The following CEP128 variants were observed in gnomAD, a reference collection of about 807,000 sequenced individuals.
The protein encoded by CEP128 is centrosomal protein 128kDa.
CEP128 carries 132 observed loss-of-function variants against 156.7 expected under a neutral mutation model. The ratio of observed to expected loss-of-function variants is 0.84; its 90% CI spans 0.73 to 0.97. CEP128 has a LOEUF of 0.97. Ranked by LOEUF, CEP128 falls within the 50% of genes least tolerant of loss-of-function variation. CEP128 has a pLI of 0.00. For missense variants in CEP128, 1,252 were observed against 1,281.9 expected, an observed-to-expected ratio of 0.98 and a Z score of 0.36; for synonymous variants, 469 against 448.9, an observed-to-expected ratio of 1.04 and a Z score of -0.57.
At chr14:80,524,961 C>T (rs969092877) in intron 23 of CEP128, among the ~76,000 whole-genome samples, 13 of 152,206 alleles carry the variant, frequency 8.5e-5, no homozygotes, top group Admixed American at 2.6e-4. Context: ...AACAGAACTC[C>T]GATGAGATTA....
At chr14:80,790,601 C>T (rs529136829) in intron 14 of CEP128, among the ~76,000 whole-genome samples, 5 of 151,486 alleles carry the variant, frequency 3.3e-5, no homozygotes, top group East Asian at 1.9e-4. Context: ...TGCAGTGATA[C>T]GCGATTTGAT....
At chr14:80,603,534 C>T (rs1892661181) in intron 19 of CEP128, among the ~76,000 whole-genome samples, 1 of 152,140 alleles carries the variant, frequency 6.6e-6, no homozygotes, top group African/African-American at 2.4e-5. Context: ...GGGAAGACCA[C>T]TATTCCTTTT....
chr14:80,670,240 A>C (rs1365088810), intron 19 of CEP128, among the ~76,000 whole-genome samples: 1 of 152,186 alleles, frequency 6.6e-6, no homozygotes, highest in African/African-American at 2.4e-5. Context: ...CTATATTACT[A>C]TCCAAAAGAA....
intron 13 of CEP128, among the ~76,000 whole-genome samples, chr14:80,804,221 A>G (rs1188485692): frequency 6.6e-6 from 1 of 152,110 alleles, no homozygotes; most frequent in East Asian, 1.9e-4. Flanking sequence ...TGGTATGCAC[A>G]CAATTAATTA....
At chr14:80,596,833 A>AAAAAAAAAAAAAG (rs1255042013) in intron 19 of CEP128, among the ~76,000 whole-genome samples, 1 of 117,252 alleles carries the variant, frequency 8.5e-6, no homozygotes, top group Non-Finnish European at 1.8e-5. Flanking sequence ...AAAAAAAAAA[A>AAAAAAAAAAAAAG]AAAAAAAAAG....
chr14:80,697,564 T>G (rs1206061139), intron 19 of CEP128, among the ~76,000 whole-genome samples: 1 of 152,068 alleles, frequency 6.6e-6, no homozygotes, highest in Non-Finnish European at 1.5e-5. Flanking sequence ...GCATAGCAAT[T>G]TCTTTATTGT....
intron 21 of CEP128, among the ~76,000 whole-genome samples, chr14:80,533,428 A>G (rs1055797103): frequency 1.3e-5 from 2 of 152,206 alleles, no homozygotes; most frequent in Non-Finnish European, 2.9e-5. Context: ...TAAGTAAATG[A>G]TCTCTTACCC....
chr14:80,576,458 T>G (rs1891359386), intron 20 of CEP128, among the ~76,000 whole-genome samples: 1 of 152,128 alleles, frequency 6.6e-6, no homozygotes, highest in South Asian at 2.1e-4. Context: ...CAATGAAGAA[T>G]TTTGGTAATT....
chr14:80,722,808 G>C (rs1007904429), intron 19 of CEP128, among the ~76,000 whole-genome samples: 19 of 149,136 alleles, frequency 1.3e-4, no homozygotes, highest in African/African-American at 4.5e-4. Flanking sequence ...TGGTAGCAGA[G>C]GTTACTCTTT....
At chr14:80,744,072 G>A (rs1355875241) in intron 18 of CEP128, among the ~76,000 whole-genome samples, 2 of 151,376 alleles carry the variant, frequency 1.3e-5, no homozygotes, top group Non-Finnish European at 2.9e-5. Flanking sequence ...TTGGGATTTC[G>A]CCATGTTGCC....
intron 19 of CEP128, among the ~76,000 whole-genome samples, chr14:80,648,675 G>C (rs556943940): frequency 6.6e-6 from 1 of 152,242 alleles, no homozygotes; most frequent in East Asian, 1.9e-4. Context: ...AAGGATATAA[G>C]AGTGGTAAAA....
At chr14:80,876,881 G>A (rs924174416) in intron 8 of CEP128, among the ~76,000 whole-genome samples, 5 of 152,124 alleles carry the variant, frequency 3.3e-5, no homozygotes, top group Non-Finnish European at 5.9e-5. Context: ...ATGTTCTTAA[G>A]GTAGATGTGC....
At chr14:80,563,674 C>T (rs1301654508) in intron 20 of CEP128, among the ~76,000 whole-genome samples, 1 of 151,584 alleles carries the variant, frequency 6.6e-6, no homozygotes, top group Non-Finnish European at 1.5e-5. Context: ...GCTGGGACTA[C>T]AAGGCGCGTG....
rs145642470 is a variant in CEP128, at chr14:80,561,896, C to CTATATATATATATATATATATATATATA, written c.2857-2595_2857-2594insTATATATATATATATATATATATATATA. Among the ~76,000 whole-genome samples, 106 of 142,226 alleles carry CTATATATATATATATATATATATATATA rather than the reference C, an allele frequency of 7.5e-4. 1 individual carries two copies. The highest frequency in any genetic ancestry group is 2.2e-3 in the African/African-American group (81 of 37,192). 93.3% of individuals were successfully genotyped at this position (142,226 alleles called of 152,430 possible). A position where few individuals can be genotyped will look rare whatever the true frequency, so the allele number is the denominator to read the frequency against. On this transcript the variant is annotated intron_variant, in intron 20 of 24. Transcript: ENST00000555265. ...CTCCATTTTGTTGAAATACGAAGGT[C>CTATATATATATATATATATATATATATA]TATATATATATATATATTTGTTTTG...
At chr14:80,642,570 C>T (rs1296426665) in intron 19 of CEP128, among the ~76,000 whole-genome samples, 2 of 151,982 alleles carry the variant, frequency 1.3e-5, no homozygotes, top group African/African-American at 2.4e-5. Context: ...GTGGTCCCAA[C>T]TGTTTGGGAG....
At chr14:80,607,620 G>T (rs1892838822) in intron 19 of CEP128, among the ~76,000 whole-genome samples, 1 of 152,032 alleles carries the variant, frequency 6.6e-6, no homozygotes, top group South Asian at 2.1e-4. Context: ...ACAAAGTTGG[G>T]CATAGTTCCA....
In CEP128 at chr14:80,641,839, A is replaced by AAG. The variant is rs141129792; in HGVS notation, c.2807-61418_2807-61417dup. Among the ~76,000 whole-genome samples the AAG allele has an allele frequency of 1.1e-4, 16 of 152,118 alleles. No homozygotes were observed. The East Asian group carries it at 3.1e-3, about 29-fold the overall frequency. On this transcript the variant is annotated intron_variant, in intron 19 of 24. Transcript: ENST00000555265. ...TTAGGGACAGACAAAATATTATACA[A>AAG]AGAGAGAGAGAAGGCCAAGGCGGGT... is the stretch of plus-strand genomic sequence containing the variant.
chr14:80,737,681 G>A (rs1412930817), intron 19 of CEP128, among the ~76,000 whole-genome samples: 2 of 152,002 alleles, frequency 1.3e-5, no homozygotes, highest in Admixed American at 6.6e-5. Context: ...AGGAGTTTGA[G>A]ACCAGCCTGG....
intron 14 of CEP128, among the ~76,000 whole-genome samples, chr14:80,485,193 A>G (rs1179650403): frequency 1.3e-5 from 2 of 152,166 alleles, no homozygotes; most frequent in Non-Finnish European, 2.9e-5. Context: ...ACATTTTCAC[A>G]TACATACACA....
Sources: gnomAD v4.1 joint callset for allele counts (sites outside exome capture counted in the v4.1 genomes callset) on GRCh38, gnomAD v4.1.1 for gene constraint, MANE v1.5 for transcripts, NCBI Gene and HGNC (gene_info 2026-07-23, HGNC 2026-07-21) for gene names.